The following DPY19L1 variants were observed in gnomAD, a reference collection of about 807,000 sequenced individuals.
DPY19L1 encodes the protein dpy-19 like C-mannosyltransferase 1, also known as protein C-mannosyl-transferase DPY19L1.
DPY19L1 carries 35 observed loss-of-function variants against 96.9 expected under a neutral mutation model. The observed-to-expected ratio is 0.36, with a 90% confidence interval of 0.28 to 0.48. The LOEUF (loss-of-function observed/expected upper bound fraction) is 0.48. Among genes scored for constraint, DPY19L1 ranks in the 20% least tolerant of loss-of-function variants. DPY19L1 has a pLI of 0.99. For synonymous variants in DPY19L1, 205 were observed against 252.6 expected (o/e 0.81, Z 1.79); for missense variants, 521 against 777.9 (o/e 0.67, Z 3.93).
At chr7:35,014,398 C>CA (rs147952681) in intron 3 of DPY19L1, among the ~76,000 whole-genome samples, 39,079 of 146,410 alleles carry the variant, frequency 0.27, 5,235 homozygotes, top group Non-Finnish European at 0.31. Context: ...ATATGTGAGA[C>CA]AAAAAAAAAA....
chr7:35,027,570 CT>C (rs1786154725), intron 1 of DPY19L1, among the ~76,000 whole-genome samples: 1 of 151,708 alleles, frequency 6.6e-6, no homozygotes, highest in South Asian at 2.1e-4. Context: ...TGGCTCACGC[CT>C]GTAATCCCAG....
At chr7:34,988,940 G>A (rs1274849790) in intron 7 of DPY19L1, among the ~76,000 whole-genome samples, 2 of 152,162 alleles carry the variant, frequency 1.3e-5, no homozygotes, top group Admixed American at 1.3e-4. Flanking sequence ...TTACACATAT[G>A]AATTCACTTA....
chr7:34,964,396 TA>T (rs1562808724), intron 10 of DPY19L1, among the ~76,000 whole-genome samples: 1 of 152,010 alleles, frequency 6.6e-6, no homozygotes, highest in African/African-American at 2.4e-5. Context: ...TACTACAAAA[TA>T]AAAAACTATT....
chr7:34,973,326 G>A (rs187751986), intron 8 of DPY19L1, among the ~76,000 whole-genome samples, 188 bp downstream of exon 8: 117 of 152,256 alleles, frequency 7.7e-4, no homozygotes, highest in Admixed American at 9.8e-4. Context: ...AGAAAAAGGA[G>A]GAGGAACAGA....
intron 6 of DPY19L1, among the ~76,000 whole-genome samples, chr7:34,990,242 A>C (rs531031902): frequency 6.6e-6 from 1 of 152,204 alleles, no homozygotes; most frequent in Non-Finnish European, 1.5e-5. Flanking sequence ...ACGCAACCTG[A>C]TATTTCTTTT....
intron 14 of DPY19L1, among the ~76,000 whole-genome samples, chr7:34,948,040 T>C (rs1784188227): frequency 6.6e-6 from 1 of 152,162 alleles, no homozygotes. Flanking sequence ...GAATAAGCTT[T>C]TCCTGTATAT....
intron 6 of DPY19L1, among the ~76,000 whole-genome samples, chr7:35,002,918 G>A (rs1351848354): frequency 6.6e-6 from 1 of 152,082 alleles, no homozygotes; most frequent in Non-Finnish European, 1.5e-5. Flanking sequence ...ACAGGTGCCC[G>A]CCACCACGCT....
chr7:35,000,990 G>T (rs765507733), intron 6 of DPY19L1, among the ~76,000 whole-genome samples: 1 of 152,128 alleles, frequency 6.6e-6, no homozygotes, highest in Non-Finnish European at 1.5e-5. Flanking sequence ...AGCCACTGTT[G>T]GTACTCAAAT....
chr7:34,989,370 T>C (rs1228818605), intron 7 of DPY19L1, among the ~76,000 whole-genome samples: 1 of 152,120 alleles, frequency 6.6e-6, no homozygotes, highest in East Asian at 1.9e-4. Context: ...ATCCCAACAC[T>C]TTGGGAGACC....
At chr7:34,963,181 C>T (rs1419166563) in intron 10 of DPY19L1, among the ~76,000 whole-genome samples, 11 of 114,880 alleles carry the variant, frequency 9.6e-5, no homozygotes, top group African/African-American at 3.4e-4. Context: ...GGCGACAGAG[C>T]GAGATCTGTC....
Position 34,966,910 on chromosome 7 carries a change from A to T in DPY19L1, c.1076T>A (p.Ile359Asn). The change falls in exon 10 of 22, where the codon ATC becomes AAC. Residue 359 changes from isoleucine (I) to asparagine (N), a missense_variant. By Grantham distance (149) the Ile-to-Asn change is moderately radical (BLOSUM62 -3). Transcript: ENST00000638088. Reference protein sequence around the residue: ...GYIDICKLRKIIYIHMISLAL... With the variant: ...GYIDICKLRKNIYIHMISLAL... ...AATTATTACCATGTGTATATAAATG[A>T]TCTTCCGTAATTTACATATATCAAT... 6.5e-7 allele frequency: 1 copy of T among 1,538,928 alleles called. No individual in the cohort carries two copies. The highest frequency in any genetic ancestry group is 1.2e-5 in the South Asian group (1 of 80,150).
At position 34,998,290 on chromosome 7, in the gene DPY19L1, C is replaced by G. The variant is rs192939936; in HGVS notation, c.765-8349G>C. ...ACAATGAAGAACTGGGTAGAGACAA[C>G]GGTAAAAATTCAAAAGAGGGGGAGG... On this transcript the variant is annotated intron_variant, in intron 6 of 21. Coordinates refer to ENST00000638088, the MANE Select transcript of DPY19L1 (RefSeq NM_001366673.1). Among the ~76,000 whole-genome samples the G allele has an allele frequency of 8.5e-5, 13 of 152,146 alleles. No homozygotes were observed. In the East Asian group the frequency reaches 2.5e-3, roughly 29 times the overall value.
rs529218791 is a variant in DPY19L1, at chr7:35,009,460, T to C, written c.764+1008A>G. 2.6e-4 allele frequency among the ~76,000 whole-genome samples: 40 copies of C among 152,328 alleles called. 1 individual carries two copies. The highest frequency in any genetic ancestry group is 1.0e-3 in the South Asian group (5 of 4,828). On this transcript the variant is annotated intron_variant, in intron 6 of 21. Coordinates refer to ENST00000638088, the MANE Select transcript of DPY19L1 (RefSeq NM_001366673.1). ...CATAAAAAGCCTTAAAAAATTAGTC[T>C]TTTAGTTTTAGGAATGCTGCTCAAC...
upstream of DPY19L1, chr7:35,037,857 G>A (rs1786486308): frequency 1.1e-5 from 14 of 1,235,056 alleles, no homozygotes; most frequent in South Asian, 4.9e-4. Context: ...GTGCGAGGAC[G>A]CGGGGGCGGA....
chr7:34,953,621 C>T (rs981851537), intron 13 of DPY19L1, among the ~76,000 whole-genome samples: 3 of 152,130 alleles, frequency 2.0e-5, no homozygotes, highest in Admixed American at 6.5e-5. Flanking sequence ...GGAATTGTTC[C>T]TATTTTCCGA....
chr7:34,954,829 T>C, intron 12 of DPY19L1, 51 bp from the exon 13 acceptor site: 1 of 915,100 alleles, frequency 1.1e-6, no homozygotes, highest in Non-Finnish European at 1.7e-6. Context: ...TCCACAGACA[T>C]AGGCTAGGAA....
chr7:34,989,125 T>C (rs1210837803), intron 7 of DPY19L1, among the ~76,000 whole-genome samples: 1 of 152,158 alleles, frequency 6.6e-6, no homozygotes, highest in Non-Finnish European at 1.5e-5. Context: ...CTGTTGTCTT[T>C]AGAAAGCCCT....
intron 21 of DPY19L1, among the ~76,000 whole-genome samples, chr7:34,933,480 A>T (rs539512259): frequency 6.6e-6 from 1 of 152,172 alleles, no homozygotes; most frequent in East Asian, 1.9e-4. Flanking sequence ...ATTGAGTGTC[A>T]ACTTGATTGG....
intron 6 of DPY19L1, among the ~76,000 whole-genome samples, chr7:35,004,264 T>G (rs1785500064): frequency 6.6e-6 from 1 of 152,158 alleles, no homozygotes; most frequent in Non-Finnish European, 1.5e-5. Context: ...TCAGGGAACC[T>G]AAAGACCATG....
Sources: allele counts gnomAD v4.1 joint callset (sites outside exome capture counted in the v4.1 genomes callset), GRCh38; gene constraint gnomAD v4.1.1; transcripts MANE v1.5; gene names NCBI Gene and HGNC (gene_info 2026-07-23, HGNC 2026-07-21).